USP48: variants seen among roughly 807,000 people sequenced by gnomAD.
The protein encoded by USP48 is ubiquitin carboxyl-terminal hydrolase 48.
A neutral mutation model predicts 150.7 loss-of-function variants in USP48; 43 were observed. The observed-to-expected ratio is 0.29, with a 90% CI of 0.22 to 0.37. The LOEUF (loss-of-function observed/expected upper bound fraction) is 0.37, where lower values mean the gene tolerates loss of function less well. USP48 is among the 10% of genes least tolerant of loss of function. The pLI is 1.00. For synonymous variants in USP48, 396 were observed against 425.9 expected, an observed-to-expected ratio of 0.93 and a Z score of 0.86; for missense variants, 813 against 1,249.6, an observed-to-expected ratio of 0.65 and a Z score of 5.27.
In USP48 at chr1:21,756,720, T is replaced by A. The variant is rs759274456; in HGVS notation, c.256-18A>T. 2.2e-5 allele frequency: 36 copies of A among 1,611,322 alleles called. No individual in the cohort carries two copies. Among genetic ancestry groups the A allele is most frequent in the Non-Finnish European group, 3.1e-5 (36 of 1,179,194 alleles). On this transcript the variant is annotated intron_variant, in intron 2 of 26. Transcript: ENST00000308271. ...AATGAGTTCTACAAAAATACAAAATTCATAATTATAAAACCCATTTTCCTT... is the reference window on the plus strand; with the variant it reads ...AATGAGTTCTACAAAAATACAAAATACATAATTATAAAACCCATTTTCCTT...
rs1303743180 is a variant in USP48 at position 21,706,652 on chromosome 1, C to T, written c.2089-63G>A. The T allele has an allele frequency of 3.1e-6, 5 of 1,612,742 alleles. No homozygotes were observed. In the East Asian group the frequency reaches 6.7e-5, roughly 22 times the overall value. On this transcript the variant is annotated intron_variant, in intron 16 of 26. Transcript: ENST00000308271. ...CAGCACATGACCTGCCTCCTCCCTA[C>T]ACCCCCGTCAGAAGTACAGTGTTAA...
intron 15 of USP48, 198 bp downstream of exon 15, chr1:21,715,191 T>C: frequency 2.0e-6 from 1 of 495,814 alleles, no homozygotes; most frequent in Middle Eastern, 5.5e-4. Context: ...ATTCAATACT[T>C]CAAATTCAAA....
intron 6 of USP48, 57 bp downstream of exon 6, chr1:21,751,450 A>G: frequency 7.7e-7 from 1 of 1,304,214 alleles, no homozygotes; most frequent in South Asian, 1.2e-5. Flanking sequence ...AATAGCATTC[A>G]GAACAGCATT....
chr1:21,689,870 G>T, intron 24 of USP48, 104 bp downstream of exon 24: 1 of 1,482,700 alleles, frequency 6.7e-7, no homozygotes, highest in Non-Finnish European at 9.1e-7. Flanking sequence ...ACTACCCTCT[G>T]CTAAAGACCC....
At chr1:21,717,089 A>AG (rs397764944) in intron 14 of USP48, among the ~76,000 whole-genome samples, 1 of 151,504 alleles carries the variant, frequency 6.6e-6, no homozygotes, top group Non-Finnish European at 1.5e-5. Context: ...AATACAAAAA[A>AG]TATCTACTAA....
chr1:21,714,951 G>A (rs1372379816), intron 15 of USP48, among the ~76,000 whole-genome samples: 11 of 152,014 alleles, frequency 7.2e-5, no homozygotes, highest in African/African-American at 1.7e-4. Flanking sequence ...GTGTGATGGC[G>A]CATGCCTATG....
intron 1 of USP48, among the ~76,000 whole-genome samples, chr1:21,782,320 T>C (rs1199717736): frequency 6.6e-6 from 1 of 151,984 alleles, no homozygotes; most frequent in African/African-American, 2.4e-5. Flanking sequence ...TTAAAAAAAA[T>C]ACTAGATTAA....
chr1:21,728,091 G>C lies in USP48; in HGVS notation c.1450+479C>G, dbSNP rs970649404. The C allele has an allele frequency of 4.1e-6, 4 of 985,606 alleles. No homozygotes were observed. The South Asian group carries it at 1.9e-4, about 46-fold the overall frequency. 61.1% of individuals were successfully genotyped at this position (985,606 alleles called of 1,614,324 possible). ...GATATTTCTAAGAAATCAGGGGTCA[G>C]CAGAAAGCTTTTCTACTCTTAGCAT... On this transcript the variant is annotated intron_variant, in intron 11 of 26. Coordinates refer to ENST00000308271, the MANE Select transcript of USP48 (RefSeq NM_032236.8).
intron 1 of USP48, among the ~76,000 whole-genome samples, chr1:21,761,965 G>C (rs1557593664): frequency 1.3e-5 from 2 of 151,708 alleles, no homozygotes; most frequent in African/African-American, 2.4e-5. Context: ...TACTATAAGA[G>C]AGTTAAAGAA....
intron 1 of USP48, chr1:21,782,017 G>A (rs2097915894): frequency 6.6e-6 from 1 of 152,208 alleles, no homozygotes; most frequent in African/African-American, 2.4e-5. Context: ...TCCCCCAGCG[G>A]AATGTAAAAA....
intron 12 of USP48, among the ~76,000 whole-genome samples, chr1:21,723,470 A>G (rs902521105): frequency 6.6e-6 from 1 of 151,180 alleles, no homozygotes; most frequent in Admixed American, 6.6e-5. Flanking sequence ...GTCGAGATTG[A>G]GCCACTGCAC....
At chr1:21,708,840 G>A (rs1184445490) in intron 15 of USP48, among the ~76,000 whole-genome samples, 6 of 132,196 alleles carry the variant, frequency 4.5e-5, no homozygotes, top group South Asian at 2.4e-4. Flanking sequence ...AGCCAAGATC[G>A]CACCATTGTA....
chr1:21,737,899 A>ATT (rs1013378740), intron 8 of USP48, among the ~76,000 whole-genome samples: 2 of 145,406 alleles, frequency 1.4e-5, no homozygotes, highest in African/African-American at 5.1e-5. Context: ...ATCTTTGACA[A>ATT]TTTTTTTTTT....
intron 2 of USP48, chr1:21,757,431 A>G: frequency 2.8e-6 from 1 of 362,296 alleles, no homozygotes; most frequent in Non-Finnish European, 4.9e-6. Flanking sequence ...ATCAGCATTC[A>G]AACTAAAACT....
intron 1 of USP48, among the ~76,000 whole-genome samples, chr1:21,766,473 G>A (rs1449006124): frequency 6.6e-6 from 1 of 152,180 alleles, no homozygotes; most frequent in East Asian, 1.9e-4. Context: ...ATTGACTATA[G>A]GTAGGAGATA....
chr1:21,742,896 C>T (rs1478605824), intron 8 of USP48, among the ~76,000 whole-genome samples: 3 of 152,168 alleles, frequency 2.0e-5, no homozygotes, highest in African/African-American at 7.2e-5. Flanking sequence ...TGAACAGAAG[C>T]AACAAAACAA....
At chr1:21,708,703 G>A (rs2097680667) in intron 15 of USP48, among the ~76,000 whole-genome samples, 1 of 151,596 alleles carries the variant, frequency 6.6e-6, no homozygotes, top group South Asian at 2.1e-4. Context: ...CCAAAATGGT[G>A]AAACCCTGTC....
intron 8 of USP48, among the ~76,000 whole-genome samples, 190 bp from the exon 9 acceptor site, chr1:21,736,815 T>G (rs962242846): frequency 6.6e-6 from 1 of 152,144 alleles, no homozygotes; most frequent in Non-Finnish European, 1.5e-5. Context: ...TTAGACACAC[T>G]CTGAACAGCA....
intron 15 of USP48, among the ~76,000 whole-genome samples, chr1:21,712,910 G>T (rs2097694166): frequency 6.6e-6 from 1 of 152,014 alleles, no homozygotes; most frequent in Admixed American, 6.6e-5. Flanking sequence ...TTACAGGCGT[G>T]AGCCACCACA....
Sources: allele counts gnomAD v4.1 joint callset (sites outside exome capture counted in the v4.1 genomes callset), GRCh38; gene constraint gnomAD v4.1.1; transcripts MANE v1.5; gene names NCBI Gene and HGNC (gene_info 2026-07-23, HGNC 2026-07-21).